CDHR3: variants seen among roughly 807,000 people sequenced by gnomAD.
CDHR3 encodes cadherin related family member 3, also known as cadherin-related family member 3.
In CDHR3, 79 loss-of-function variants were observed where a neutral mutation model predicts 86.6. That is an observed-to-expected ratio of 0.91 (90% CI 0.76 to 1.10). The LOEUF (loss-of-function observed/expected upper bound fraction) is 1.10. Among genes scored for constraint, CDHR3 ranks in the 50% least tolerant of loss-of-function variants. The probability of loss-of-function intolerance (pLI) is 0.00; values close to 1 mark genes in which losing one functional copy is unlikely to be tolerated. For missense variants in CDHR3, 1,081 were observed against 1,077.6 expected (o/e 1.00, Z -0.04); for synonymous variants, 421 against 402.4 (o/e 1.05, Z -0.55).
intron 1 of CDHR3, among the ~76,000 whole-genome samples, chr7:105,964,436 A>G (rs1826544225): frequency 6.6e-6 from 1 of 151,896 alleles, no homozygotes; most frequent in African/African-American, 2.4e-5. Context: ...TTCTTCTCCT[A>G]TGTCTATAGC....
chr7:106,001,773 T>C (rs1333869242), intron 7 of CDHR3, among the ~76,000 whole-genome samples, 163 bp downstream of exon 7: 1 of 152,212 alleles, frequency 6.6e-6, no homozygotes, highest in African/African-American at 2.4e-5. Context: ...TGGCTTAGTA[T>C]TTGCATATAA....
intron 8 of CDHR3, 162 bp downstream of exon 8, chr7:106,004,849 G>A: frequency 1.5e-6 from 1 of 651,064 alleles, no homozygotes. Context: ...AGGTTTCCTT[G>A]TTATCGTCCT....
intron 5 of CDHR3, 23 bp downstream of exon 5, chr7:105,994,868 A>G (rs376038462): frequency 5.3e-5 from 83 of 1,559,076 alleles, no homozygotes; most frequent in Non-Finnish European, 7.3e-5. Context: ...TTGACCTTGC[A>G]TGAAGTACTG....
At position 106,004,705 on chromosome 7, in the gene CDHR3, G is replaced by A; in HGVS notation, c.1052+18G>A. ...ACCTTCAGGTATGCACACTTTGAAA[G>A]TTGGGCTGGACATTCTATCTCTTTG... On this transcript the variant is annotated intron_variant, in intron 8 of 18. Transcript: ENST00000317716. 1 of 1,613,580 alleles carries A rather than the reference G, an allele frequency of 6.2e-7. No individual in the cohort carries two copies. The highest frequency in any genetic ancestry group is 8.5e-7 in the Non-Finnish European group (1 of 1,179,662).
rs192490918 is a variant in CDHR3, at chr7:105,981,099, C to T, written c.381C>T (p.Asn127=). ...QVLTVQVTDV[N]EPPQFQGNLA... is the part of the protein sequence containing the mutation. ...TGACTGTCCAGGTAACAGATGTGAA[C>T]GAGCCACCTCAGTTTCAAGGCAACT... is the stretch of plus-strand genomic sequence containing the variant. The change falls in exon 3 of 19, where the codon AAC becomes AAT. Residue 127 remains asparagine (N), a synonymous_variant. Coordinates refer to ENST00000317716, the MANE Select transcript of CDHR3 (RefSeq NM_152750.5). The T allele has an allele frequency of 7.1e-5, 115 of 1,613,608 alleles. No homozygotes were observed. Among genetic ancestry groups the T allele is most frequent in the South Asian group, 4.8e-4 (44 of 90,918 alleles).
At chr7:106,022,820 T>C (rs1836778547) in intron 14 of CDHR3, among the ~76,000 whole-genome samples, 1 of 151,914 alleles carries the variant, frequency 6.6e-6, no homozygotes, top group South Asian at 2.1e-4. Flanking sequence ...TTCAGAAGAG[T>C]CTTTGCAAGT....
rs1490776500 is a variant in CDHR3, at chr7:106,004,700, T to C, written c.1052+13T>C. On this transcript the variant is annotated intron_variant, in intron 8 of 18. Coordinates refer to ENST00000317716, the MANE Select transcript of CDHR3 (RefSeq NM_152750.5). ...AGTTCACCTTCAGGTATGCACACTTTGAAAGTTGGGCTGGACATTCTATCT... is the reference window on the plus strand; with the variant it reads ...AGTTCACCTTCAGGTATGCACACTTCGAAAGTTGGGCTGGACATTCTATCT... 1 of 1,613,792 alleles carries C rather than the reference T, an allele frequency of 6.2e-7. No individual in the cohort carries two copies. The highest frequency in any genetic ancestry group is 2.2e-5 in the East Asian group (1 of 44,884).
At chr7:105,971,975 T>G (rs1306862913) in intron 1 of CDHR3, among the ~76,000 whole-genome samples, 1 of 152,206 alleles carries the variant, frequency 6.6e-6, no homozygotes, top group Non-Finnish European at 1.5e-5. Flanking sequence ...CTATGATGCA[T>G]CCTATGTGCA....
rs369467199 is a variant in CDHR3, at chr7:106,032,292, A to G, written c.2354-101A>G. The G allele has an allele frequency of 2.6e-6, 3 of 1,168,474 alleles. No individual in the cohort carries two copies. In the South Asian group the frequency reaches 4.7e-5, roughly 18 times the overall value. The allele number at this position is 1,168,474 out of a possible 1,614,324, so 72.4% of individuals were successfully genotyped here. A position where few individuals can be genotyped will look rare whatever the true frequency, so the allele number is the denominator to read the frequency against. ...TGATTCACACCTTCTAGTGTGCTTC[A>G]TCTTCCCTTGGGAGTCAGAACAGAG... On this transcript the variant is annotated intron_variant, in intron 18 of 18. Transcript: ENST00000317716.
rs1413335806 is a variant in CDHR3 at position 106,005,832 on chromosome 7, G to A, written c.1052+1145G>A. On this transcript the variant is annotated intron_variant, in intron 8 of 18. Coordinates refer to ENST00000317716, the MANE Select transcript of CDHR3 (RefSeq NM_152750.5). The stretch of plus-strand genomic sequence containing the variant: ...GTGACCTCGAGTCTGATATCAAAAC[G>A]GTTAAACTCTGTTCTGGATGCACCC... Among the ~76,000 whole-genome samples, 6 of 152,252 alleles carry A rather than the reference G, an allele frequency of 3.9e-5. 1 individual carries two copies. In the East Asian group the frequency reaches 5.8e-4, roughly 15 times the overall value.
intron 8 of CDHR3, among the ~76,000 whole-genome samples, chr7:106,007,718 G>A (rs917025534): frequency 2.0e-5 from 3 of 152,168 alleles, no homozygotes; most frequent in African/African-American, 7.2e-5. Context: ...TCTCTAGGGA[G>A]TTCCAAACTT....
At chr7:105,964,223 G>A (rs1405169384) in intron 1 of CDHR3, among the ~76,000 whole-genome samples, 1 of 151,948 alleles carries the variant, frequency 6.6e-6, no homozygotes, top group Non-Finnish European at 1.5e-5. Flanking sequence ...TATAGATTTG[G>A]TACATTCTTA....
intron 1 of CDHR3, 123 bp downstream of exon 1, chr7:105,963,487 T>A: frequency 9.9e-7 from 1 of 1,010,224 alleles, no homozygotes. Context: ...AGGGCTTAGC[T>A]GCAGTAATGA....
intron 6 of CDHR3, among the ~76,000 whole-genome samples, chr7:105,999,420 T>C (rs569304292): frequency 2.6e-5 from 4 of 152,332 alleles, no homozygotes; most frequent in Non-Finnish European, 5.9e-5. Context: ...GCAGAGTTTC[T>C]TAAACAGCGG....
chr7:106,005,181 G>A (rs537215876), intron 8 of CDHR3, among the ~76,000 whole-genome samples: 4 of 152,164 alleles, frequency 2.6e-5, no homozygotes, highest in Admixed American at 6.5e-5. Flanking sequence ...ACAAAGCATC[G>A]AATTCACCTT....
intron 13 of CDHR3, 49 bp from the exon 14 acceptor site, chr7:106,022,149 A>G (rs1836660892): frequency 6.2e-7 from 1 of 1,602,114 alleles, no homozygotes; most frequent in African/African-American, 1.3e-5. Flanking sequence ...TTTATTTCTT[A>G]CTCTCTTTTC....
chr7:105,964,460 T>C (rs1390218032), intron 1 of CDHR3, among the ~76,000 whole-genome samples: 1 of 152,070 alleles, frequency 6.6e-6, no homozygotes, highest in Non-Finnish European at 1.5e-5. Flanking sequence ...TATTTTTTTC[T>C]TATCTAACTG....
intron 8 of CDHR3, among the ~76,000 whole-genome samples, chr7:106,009,881 T>C (rs566261427): frequency 3.9e-5 from 6 of 152,344 alleles, no homozygotes; most frequent in African/African-American, 1.4e-4. Context: ...CAGAATGGGC[T>C]GGACACAGTC....
At chr7:105,999,672 C>T (rs1022705560) in intron 6 of CDHR3, among the ~76,000 whole-genome samples, 15 of 152,300 alleles carry the variant, frequency 9.8e-5, no homozygotes, top group Middle Eastern at 3.4e-3. Context: ...CTCTCTGTCC[C>T]GTGGGGAGGC....
Sources: allele counts gnomAD v4.1 joint callset (sites outside exome capture counted in the v4.1 genomes callset), GRCh38; gene constraint gnomAD v4.1.1; transcripts MANE v1.5; gene names NCBI Gene and HGNC (gene_info 2026-07-23, HGNC 2026-07-21).